The following NYX variants were observed in gnomAD, a reference collection of about 807,000 sequenced individuals.
The protein encoded by NYX is leucine-rich repeat protein.
For missense variants in NYX, 481 were observed against 485.4 expected (o/e 0.99, Z 0.09); for synonymous variants, 258 against 245.7 (o/e 1.05, Z -0.47).
Position 41,462,240 on chromosome X carries a change from C to T in NYX, c.23-11251C>T, listed in dbSNP as rs189218124. Among the ~76,000 whole-genome samples, 528 of 112,576 alleles carry T rather than the reference C, an allele frequency of 4.7e-3. 6 individuals carry two copies. Among genetic ancestry groups the T allele is most frequent in the African/African-American group, 0.016 (498 of 31,090 alleles). On this transcript the variant is annotated intron_variant, in intron 2 of 2. Transcript: ENST00000378220. The stretch of plus-strand genomic sequence containing the variant: ...CCATTCAACTCTTGATGGACGTTTG[C>T]ACTGTTTCTAGTTTTGGGCTATTAA...
chrX:41,472,126 G>C (rs1163236065), intron 2 of NYX: 29 of 363,986 alleles, frequency 8.0e-5, no homozygotes. Context: ...CAGGAGTCCA[G>C]ACTTCCTTAA....
At chrX:41,468,954 A>G (rs926657668) in intron 2 of NYX, among the ~76,000 whole-genome samples, 3 of 111,570 alleles carry the variant, frequency 2.7e-5, no homozygotes, top group Non-Finnish European at 3.8e-5. Flanking sequence ...ACAGAGCCCA[A>G]GAACCTTGCT....
intron 2 of NYX, among the ~76,000 whole-genome samples, chrX:41,451,904 A>G (rs2064281543): frequency 9.0e-6 from 1 of 110,980 alleles, no homozygotes; most frequent in Admixed American, 9.7e-5. Flanking sequence ...AGGGGTGGGA[A>G]AAGGACTGAA....
At chrX:41,459,842 T>A (rs990412475) in intron 2 of NYX, among the ~76,000 whole-genome samples, 1 of 107,707 alleles carries the variant, frequency 9.3e-6, no homozygotes, top group Non-Finnish European at 1.9e-5. Context: ...CTATGAACAC[T>A]CTTCTATAGT....
chrX:41,454,759 AC>A (rs1351253391), intron 2 of NYX, among the ~76,000 whole-genome samples: 1 of 110,692 alleles, frequency 9.0e-6, no homozygotes, highest in East Asian at 2.8e-4. Flanking sequence ...GGTGTGCATC[AC>A]CACGCCTGGC....
At chrX:41,459,864 C>CT (rs547264491) in intron 2 of NYX, among the ~76,000 whole-genome samples, 8,815 of 87,082 alleles carry the variant, frequency 0.1, 383 homozygotes, top group South Asian at 0.14. Flanking sequence ...TTTTTGTGGA[C>CT]TTTTTTTTTT....
At position 41,473,504 on chromosome X, in the gene NYX, C is replaced by A. The variant is rs2147025179; in HGVS notation, c.36C>A (p.Gly12=). 1 of 983,189 alleles carries A rather than the reference C, an allele frequency of 1.0e-6. No homozygotes were observed. Among genetic ancestry groups the A allele is most frequent in the Non-Finnish European group, 1.3e-6 (1 of 782,220 alleles). The allele number at this position is 983,189 out of a possible 1,213,427, so 81.0% of individuals were successfully genotyped here. The change falls in exon 3 of 3, where the codon GGC becomes GGA. Residue 12 remains glycine (G), a synonymous_variant. Transcript: ENST00000378220. ...LVLLLHAVVL[G]LPSAWAVGAC... is the part of the protein sequence containing the mutation. ...CTGTCCCCGCAGCGGTGGTCCTCGG[C>A]CTGCCCAGCGCCTGGGCCGTGGGGG...
At chrX:41,464,214 C>G (rs2064330620) in intron 2 of NYX, among the ~76,000 whole-genome samples, 1 of 109,000 alleles carries the variant, frequency 9.2e-6, no homozygotes. Context: ...GGCATGATCT[C>G]CACTTACTGC....
chrX:41,447,882 C>T lies in NYX; in HGVS notation c.-23C>T. 1.7e-6 allele frequency: 2 copies of T among 1,210,895 alleles called. No homozygotes were observed. The highest frequency in any genetic ancestry group is 1.8e-5 in the South Asian group (1 of 56,819). On this transcript the variant is annotated 5_prime_UTR_variant, in exon 2 of 3. Transcript: ENST00000378220. ...CCCACGGCTGGGTGGTCCTAAGCCA[C>T]TGGGTGGATGAAAGGCCGAGGGATG...
At chrX:41,458,778 C>A (rs1446287248) in intron 2 of NYX, among the ~76,000 whole-genome samples, 2 of 102,925 alleles carry the variant, frequency 1.9e-5, no homozygotes, top group Admixed American at 2.1e-4. Flanking sequence ...TGAGCAAATT[C>A]TTATTAAAAG....
chrX:41,472,478 C>T, intron 2 of NYX: 3 of 758,696 alleles, frequency 4.0e-6, no homozygotes, highest in Non-Finnish European at 6.0e-6. Context: ...AAGGGCGGCT[C>T]GGGCCCGCTG....
In NYX at chrX:41,473,642, GGCGGTCTCCATCGACCT is replaced by G. The variant is rs1334912549; in HGVS notation, c.176_192del (p.Ala59GlyfsTer45). The G allele has an allele frequency of 9.3e-7, 1 of 1,079,085 alleles. No individual in the cohort carries two copies. 88.9% of individuals were successfully genotyped at this position (1,079,085 alleles called of 1,213,427 possible). ...GGGTGCCGGCCGAGCTCCCGTGCGA[GGCGGTCTCCATCGACCT>G]GGACCGGAACGGCCTGCGCTTCCTG... On this transcript the variant is annotated frameshift_variant, in exon 3 of 3. Transcript: ENST00000378220. LOFTEE classifies it low-confidence loss of function (END_TRUNC).
chrX:41,448,077 G>A (rs991002893), intron 2 of NYX, 151 bp downstream of exon 2: 1 of 563,944 alleles, frequency 1.8e-6, no homozygotes, highest in East Asian at 3.6e-5. Flanking sequence ...TGGGGGAGGG[G>A]ATAGAGAAAG....
At chrX:41,448,444 A>G (rs5918176) in intron 2 of NYX, among the ~76,000 whole-genome samples, 31,451 of 108,014 alleles carry the variant, frequency 0.29, 3,668 homozygotes, top group South Asian at 0.59. Flanking sequence ...GGGTTTCACC[A>G]TGTTAGCCAG....
chrX:41,450,872 G>C (rs5963988), intron 2 of NYX, among the ~76,000 whole-genome samples: 2 of 92,878 alleles, frequency 2.2e-5, no homozygotes, highest in East Asian at 3.3e-4. Flanking sequence ...TTTTAGTAGA[G>C]AGGGGGTTTC....
At chrX:41,456,293 G>A (rs1349446577) in intron 2 of NYX, among the ~76,000 whole-genome samples, 3 of 111,625 alleles carry the variant, frequency 2.7e-5, no homozygotes, top group African/African-American at 9.8e-5. Flanking sequence ...CTGAGATCCT[G>A]CCATTGCATC....
At position 41,455,856 on chromosome X, in the gene NYX, G is replaced by A. The variant is rs147498209; in HGVS notation, c.22+7930G>A. On this transcript the variant is annotated intron_variant, in intron 2 of 2. Transcript: ENST00000378220. ...CAGCTCTGAATAGCCAAGGAGATTC[G>A]TTTTTGGAATGATCACTGCTGATTC... Among the ~76,000 whole-genome samples the A allele has an allele frequency of 7.6e-3, 852 of 111,987 alleles. 5 individuals are homozygous for A. The highest frequency in any genetic ancestry group is 0.026 in the African/African-American group (797 of 30,843).
At position 41,447,899 on chromosome X, in the gene NYX, C is replaced by G; in HGVS notation, c.-6C>G. The G allele has an allele frequency of 1.7e-6, 2 of 1,210,619 alleles. No homozygotes were observed. Among genetic ancestry groups the G allele is most frequent in the Non-Finnish European group, 2.2e-6 (2 of 895,040 alleles). On this transcript the variant is annotated 5_prime_UTR_variant, in exon 2 of 3. Coordinates refer to ENST00000378220, the MANE Select transcript of NYX (RefSeq NM_001378477.3). ...CTAAGCCACTGGGTGGATGAAAGGC[C>G]GAGGGATGTTGGTCCTGCTTCTGCA...
chrX:41,448,068 G>A, intron 2 of NYX, 142 bp downstream of exon 2: 2 of 601,920 alleles, frequency 3.3e-6, no homozygotes, highest in Non-Finnish European at 5.5e-6. Flanking sequence ...CTGTGATCGT[G>A]GGGGAGGGGA....
Sources: gnomAD v4.1 joint callset for allele counts (sites outside exome capture counted in the v4.1 genomes callset) on GRCh38, gnomAD v4.1.1 for gene constraint, MANE v1.5 for transcripts, NCBI Gene and HGNC (gene_info 2026-07-23, HGNC 2026-07-21) for gene names.